PILRA: variants seen among roughly 807,000 people sequenced by gnomAD.
The protein encoded by PILRA is paired immunoglobulin-like type 2 receptor alpha.
A neutral mutation model predicts 33.1 loss-of-function variants in PILRA; 37 were observed. The observed-to-expected ratio is 1.12, with a 90% CI of 0.86 to 1.47. PILRA has a LOEUF of 1.47. Among genes scored for constraint, PILRA ranks in the 40% most tolerant of loss-of-function variants. The probability of loss-of-function intolerance (pLI) is 0.00; values close to 1 mark genes in which losing one functional copy is unlikely to be tolerated. For missense variants in PILRA, 312 were observed against 376.2 expected, an observed-to-expected ratio of 0.83 and a Z score of 1.41; for synonymous variants, 146 against 149.9, an observed-to-expected ratio of 0.97 and a Z score of 0.19.
chr7:100,377,231 CTTTTTTTTTTTTTT>C (rs761225046), intron 2 of PILRA, among the ~76,000 whole-genome samples: 13 of 100,930 alleles, frequency 1.3e-4, no homozygotes, highest in African/African-American at 4.5e-4. Context: ...TTTTCTATTT[CTTTTTTTTTTTTTT>C]TTTTTTTTTT....
intron 2 of PILRA, among the ~76,000 whole-genome samples, chr7:100,377,564 A>G (rs1325050768): frequency 6.6e-6 from 1 of 152,096 alleles, no homozygotes; most frequent in Non-Finnish European, 1.5e-5. Flanking sequence ...TTCTAAGCAC[A>G]AAAATCCCTA....
At chr7:100,386,999 C>T (rs1302491013) in intron 2 of PILRA, among the ~76,000 whole-genome samples, 1 of 152,146 alleles carries the variant, frequency 6.6e-6, no homozygotes, top group Non-Finnish European at 1.5e-5. Flanking sequence ...CTTTTTAAAA[C>T]TTCCTAAGCA....
chr7:100,382,025 T>C (rs1159120022), intron 2 of PILRA, among the ~76,000 whole-genome samples: 5 of 23,202 alleles, frequency 2.2e-4, no homozygotes, highest in Admixed American at 5.7e-4. Context: ...CCCACCCCCG[T>C]AGGCTCCAGC....
chr7:100,373,988 T>G (rs1398373644), intron 1 of PILRA, 56 bp from the exon 2 acceptor site: 10 of 1,583,732 alleles, frequency 6.3e-6, no homozygotes, highest in Non-Finnish European at 7.7e-6. Context: ...GTCACCCTCT[T>G]TGTGTCTTGA....
intron 2 of PILRA, among the ~76,000 whole-genome samples, chr7:100,377,763 T>TAA (rs1468324504): frequency 2.6e-5 from 4 of 151,922 alleles, no homozygotes; most frequent in African/African-American, 9.7e-5. Context: ...AAAATTTGTA[T>TAA]GTAGTGATAA....
rs1791206358 is a variant in PILRA, at chr7:100,384,325, C to A, written c.455-5563C>A. Among the ~76,000 whole-genome samples the A allele has an allele frequency of 2.0e-5, 3 of 150,752 alleles. No individual in the cohort carries two copies. In the South Asian group the frequency reaches 6.3e-4, roughly 31 times the overall value. ...CAAATGGAGGTGTGAACAGGTAGAT[C>A]TCTGAGTCTAGAGTGCAGGGGGAAA... On this transcript the variant is annotated intron_variant, in intron 2 of 6. Transcript: ENST00000198536.
chr7:100,377,871 T>C (rs1790991172), intron 2 of PILRA, among the ~76,000 whole-genome samples: 2 of 152,246 alleles, frequency 1.3e-5, no homozygotes, highest in South Asian at 4.1e-4. Flanking sequence ...TATCTGCTTC[T>C]CTATTGATAC....
intron 2 of PILRA, among the ~76,000 whole-genome samples, chr7:100,377,978 A>G (rs1038764014): frequency 6.6e-6 from 1 of 152,136 alleles, no homozygotes; most frequent in Non-Finnish European, 1.5e-5. Context: ...ATCAGCACAC[A>G]GGTTTAGTGA....
chr7:100,383,865 G>A (rs924455351), intron 2 of PILRA, among the ~76,000 whole-genome samples: 1 of 152,132 alleles, frequency 6.6e-6, no homozygotes, highest in African/African-American at 2.4e-5. Context: ...TCGAACTGTT[G>A]ACTTCAGGTG....
In PILRA at chr7:100,390,073, C is replaced by T. The variant is rs1791354224; in HGVS notation, c.640C>T (p.Leu214=). Residue 214 remains leucine, a synonymous_variant, in exon 3 of 7, where the codon CTG becomes TTG. Coordinates refer to ENST00000198536, the MANE Select transcript of PILRA (RefSeq NM_013439.3). Reference sequence around the variant, plus strand: ...TGTGCTCGGAATCATGATTTTGGGACTGATCTGCCTCCTCAGGTGGAGGAG... The same window carrying T: ...TGTGCTCGGAATCATGATTTTGGGATTGATCTGCCTCCTCAGGTGGAGGAG... The part of the protein sequence containing the change: ...VTVLGIMILG[L]ICLLRWRRRK... 2 of 1,613,970 alleles carry T rather than the reference C, an allele frequency of 1.2e-6. No homozygotes were observed. Among genetic ancestry groups the T allele is most frequent in the Non-Finnish European group, 1.7e-6 (2 of 1,179,988 alleles).
intron 3 of PILRA, among the ~76,000 whole-genome samples, chr7:100,392,214 TG>T (rs1285933109): frequency 7.9e-5 from 12 of 151,930 alleles, no homozygotes; most frequent in Non-Finnish European, 1.6e-4. Flanking sequence ...GAGGCTGAGG[TG>T]GAAGAATTGC....
chr7:100,380,694 G>T (rs1791070226), intron 2 of PILRA, among the ~76,000 whole-genome samples: 1 of 152,164 alleles, frequency 6.6e-6, no homozygotes, highest in South Asian at 2.1e-4. Context: ...GGCCTGTCGT[G>T]ATAGTTCACG....
chr7:100,376,936 A>AT (rs1297900524), intron 2 of PILRA, among the ~76,000 whole-genome samples: 1 of 149,502 alleles, frequency 6.7e-6, no homozygotes, highest in African/African-American at 2.5e-5. Flanking sequence ...TAATATTTGT[A>AT]TTTTTTTTGT....
At chr7:100,375,524 G>C (rs546657736) in intron 2 of PILRA, among the ~76,000 whole-genome samples, 50 of 152,166 alleles carry the variant, frequency 3.3e-4, no homozygotes, top group Non-Finnish European at 6.3e-4. Flanking sequence ...TTGAGGTCAG[G>C]AGTTCGAGAC....
At chr7:100,394,942 C>A (rs1791464677) in intron 3 of PILRA, among the ~76,000 whole-genome samples, 1 of 151,932 alleles carries the variant, frequency 6.6e-6, no homozygotes, top group Admixed American at 6.6e-5. Flanking sequence ...AAAGCACAAG[C>A]CACAAAAGAA....
intron 3 of PILRA, among the ~76,000 whole-genome samples, chr7:100,394,081 C>A (rs1425029728): frequency 6.6e-6 from 1 of 152,146 alleles, no homozygotes; most frequent in Non-Finnish European, 1.5e-5. Flanking sequence ...TAATCAAATA[C>A]CATTTCTGCC....
intron 2 of PILRA, 34 bp from the exon 3 acceptor site, chr7:100,389,854 G>A (rs373841236): frequency 1.3e-6 from 2 of 1,588,010 alleles, no homozygotes; most frequent in Non-Finnish European, 1.7e-6. Context: ...TGTGCCCCCA[G>A]GGGAGGGTCT....
chr7:100,398,918 G>C (rs1315633723), intron 4 of PILRA, among the ~76,000 whole-genome samples: 1 of 151,580 alleles, frequency 6.6e-6, no homozygotes, highest in African/African-American at 2.4e-5. Flanking sequence ...CCCCTAACAC[G>C]TGTCATAACT....
At chr7:100,398,985 A>G (rs1194810436) in intron 4 of PILRA, among the ~76,000 whole-genome samples, 2 of 151,614 alleles carry the variant, frequency 1.3e-5, no homozygotes, top group East Asian at 1.9e-4. Context: ...TCTGTCACCC[A>G]GGCTGGAGTG....
Sources: allele counts gnomAD v4.1 joint callset (sites outside exome capture counted in the v4.1 genomes callset), GRCh38; gene constraint gnomAD v4.1.1; transcripts MANE v1.5; gene names NCBI Gene and HGNC (gene_info 2026-07-23, HGNC 2026-07-21).